The following LRRC37A variants were observed in gnomAD, a reference collection of about 807,000 sequenced individuals.
The protein encoded by LRRC37A is leucine-rich repeat-containing protein 37A.
LRRC37A carries 3 observed loss-of-function variants against 35.4 expected under a neutral mutation model. The observed-to-expected ratio is 0.08, with a 90% confidence interval of 0.04 to 0.22. The LOEUF is 0.22. Ranked by LOEUF, LRRC37A falls within the 10% of genes least tolerant of loss-of-function variation. The probability of loss-of-function intolerance (pLI) is 1.00; values close to 1 mark genes in which losing one functional copy is unlikely to be tolerated. For synonymous variants in LRRC37A, 23 were observed against 215.0 expected, an observed-to-expected ratio of 0.11 and a Z score of 7.81; for missense variants, 67 against 565.3, an observed-to-expected ratio of 0.12 and a Z score of 8.94.
the LRRC37A span, among the ~76,000 whole-genome samples, chr17:46,267,893 C>CTTTTTTTTTTTTTTTT: frequency 1.2e-3 from 111 of 89,200 alleles, no homozygotes; most frequent in Non-Finnish European, 1.6e-3. Context: ...ACTCCCACAT[C>CTTTTTTTTTTTTTTTT]TTTTTTTTTT....
the LRRC37A span, among the ~76,000 whole-genome samples, chr17:46,253,492 A>G: frequency 4.6e-5 from 7 of 152,184 alleles, no homozygotes; most frequent in African/African-American, 1.7e-4. Flanking sequence ...TCCGTCTGCA[A>G]TCCCGGCACC....
intron 5 of LRRC37A, among the ~76,000 whole-genome samples, chr17:46,307,793 A>T (rs1222227204): frequency 1.3e-5 from 1 of 78,994 alleles, no homozygotes; most frequent in African/African-American, 3.2e-5. Flanking sequence ...TGGGTGGATC[A>T]CCTGAGGTCA....
At chr17:46,266,418 T>G in the LRRC37A span, among the ~76,000 whole-genome samples, 1 of 152,142 alleles carries the variant, frequency 6.6e-6, no homozygotes, top group African/African-American at 2.4e-5. Context: ...TGCGAGGCCA[T>G]GTGCTCGTCC....
the LRRC37A span, among the ~76,000 whole-genome samples, chr17:46,281,060 G>A: frequency 6.6e-6 from 1 of 152,090 alleles, no homozygotes; most frequent in African/African-American, 2.4e-5. Flanking sequence ...AAATGTTGTA[G>A]CGGAAAAATC....
At chr17:46,270,269 G>A in the LRRC37A span, among the ~76,000 whole-genome samples, 1 of 152,216 alleles carries the variant, frequency 6.6e-6, no homozygotes, top group Non-Finnish European at 1.5e-5. Flanking sequence ...AGGACATCCA[G>A]GACGGGACGC....
Position 46,324,693 on chromosome 17 carries a change from A to C in LRRC37A, c.3053+1666A>C, listed in dbSNP as rs1368457160. On this transcript the variant is annotated intron_variant, in intron 7 of 13. Coordinates refer to ENST00000320254, the Ensembl canonical transcript of LRRC37A. Reference sequence around the variant, plus strand: ...ATAGATATAGATATATATATAAATCAGCCAGGTGTGGTGGCACACGCCTGT... The same window carrying C: ...ATAGATATAGATATATATATAAATCCGCCAGGTGTGGTGGCACACGCCTGT... Among the ~76,000 whole-genome samples the C allele has an allele frequency of 3.0e-5, 2 of 66,032 alleles. 1 individual carries two copies. The highest frequency in any genetic ancestry group is 3.3e-4 in the Admixed American group (2 of 5,972). The allele number at this position is 66,032 out of a possible 152,430, so 43.3% of individuals were successfully genotyped here.
chr17:46,281,606 T>C, the LRRC37A span, among the ~76,000 whole-genome samples: 1 of 152,160 alleles, frequency 6.6e-6, no homozygotes, highest in African/African-American at 2.4e-5. Context: ...ATTTTTAAAA[T>C]TTTTGTAGAG....
chr17:46,268,778 T>C, the LRRC37A span: 1 of 1,019,148 alleles, frequency 9.8e-7, no homozygotes, highest in Non-Finnish European at 1.3e-6. Context: ...GGGTCCTCCT[T>C]TAGAAGAGAG....
chr17:46,249,176 T>A, the LRRC37A span, among the ~76,000 whole-genome samples: 1 of 152,078 alleles, frequency 6.6e-6, no homozygotes, highest in Non-Finnish European at 1.5e-5. Flanking sequence ...GGACAACTGT[T>A]CACTCCTTTT....
chr17:46,269,480 C>T, the LRRC37A span, among the ~76,000 whole-genome samples: 1 of 152,180 alleles, frequency 6.6e-6, no homozygotes, highest in Non-Finnish European at 1.5e-5. Context: ...TGTGGTGAGC[C>T]GAGATCGCGC....
At chr17:46,272,539 C>G in the LRRC37A span, among the ~76,000 whole-genome samples, 2 of 152,188 alleles carry the variant, frequency 1.3e-5, no homozygotes, top group African/African-American at 4.8e-5. Flanking sequence ...CTCAGCCTCC[C>G]TAGTAGCTGG....
At chr17:46,279,683 A>G in the LRRC37A span, among the ~76,000 whole-genome samples, 1 of 151,682 alleles carries the variant, frequency 6.6e-6, no homozygotes, top group Non-Finnish European at 1.5e-5. Context: ...TTTTGTAAAG[A>G]TGGGGTTTCC....
At chr17:46,282,387 T>C in the LRRC37A span, among the ~76,000 whole-genome samples, 1 of 151,020 alleles carries the variant, frequency 6.6e-6, no homozygotes, top group African/African-American at 2.4e-5. Flanking sequence ...ACAGGCGTGA[T>C]CCACCGCACC....
chr17:46,273,682 A>C, the LRRC37A span, among the ~76,000 whole-genome samples: 1 of 152,292 alleles, frequency 6.6e-6, no homozygotes, highest in Non-Finnish European at 1.5e-5. Context: ...ATTTTATAGA[A>C]GCTATTACCA....
chr17:46,288,305 CTTTTTTTTT>C (rs78255121), upstream of LRRC37A, among the ~76,000 whole-genome samples: 8 of 112,262 alleles, frequency 7.1e-5, no homozygotes, highest in Non-Finnish European at 1.2e-4. Flanking sequence ...CCAGGCCCGG[CTTTTTTTTT>C]TTTTTTTTTT....
chr17:46,271,962 A>G, the LRRC37A span, among the ~76,000 whole-genome samples: 1 of 152,210 alleles, frequency 6.6e-6, no homozygotes, highest in Non-Finnish European at 1.5e-5. Context: ...GGGTTTCACC[A>G]TGTTGGTCAG....
the LRRC37A span, among the ~76,000 whole-genome samples, chr17:46,280,279 G>T: frequency 6.6e-6 from 1 of 152,108 alleles, no homozygotes; most frequent in African/African-American, 2.4e-5. Context: ...CAGGAGAATC[G>T]CTTGAACGCG....
chr17:46,314,461 T>C lies in LRRC37A; in HGVS notation c.2907-7861T>C, dbSNP rs1396996677. 3.7e-5 allele frequency among the ~76,000 whole-genome samples: 3 copies of C among 81,772 alleles called. 1 individual carries two copies. The highest frequency in any genetic ancestry group is 1.1e-3 in the South Asian group (2 of 1,792). 53.6% of individuals were successfully genotyped at this position (81,772 alleles called of 152,430 possible). The stretch of plus-strand genomic sequence containing the variant: ...GCACATAGATGTTCAGGTGACGCCA[T>C]TGCACTCAAGCCTGGGCAACAGAGT... On this transcript the variant is annotated intron_variant, in intron 5 of 13. Coordinates refer to ENST00000320254, the Ensembl canonical transcript of LRRC37A.
the LRRC37A span, among the ~76,000 whole-genome samples, chr17:46,252,725 G>T: frequency 6.6e-6 from 1 of 151,824 alleles, no homozygotes; most frequent in Admixed American, 6.6e-5. Flanking sequence ...CAAGGCAGAA[G>T]AATTTTTCTT....
Sources: gnomAD v4.1 joint callset for allele counts (sites outside exome capture counted in the v4.1 genomes callset) on GRCh38, gnomAD v4.1.1 for gene constraint, MANE v1.5 for transcripts, NCBI Gene and HGNC (gene_info 2026-07-23, HGNC 2026-07-21) for gene names.